Variants in UIMC1 observed in about 807,000 individuals in gnomAD.
The protein encoded by UIMC1 is BRCA1-A complex subunit RAP80.
A neutral mutation model predicts 84.9 loss-of-function variants in UIMC1; 42 were observed. The observed-to-expected ratio is 0.49, with a 90% CI of 0.39 to 0.64. The LOEUF (loss-of-function observed/expected upper bound fraction) is 0.64, where lower values mean the gene tolerates loss of function less well. Among genes scored for constraint, UIMC1 ranks in the 30% least tolerant of loss-of-function variants. The probability of loss-of-function intolerance (pLI) is 0.00; values close to 1 mark genes in which losing one functional copy is unlikely to be tolerated. For missense variants in UIMC1, 825 were observed against 847.6 expected (o/e 0.97, Z 0.33); for synonymous variants, 281 against 293.0 (o/e 0.96, Z 0.42).
chr5:176,928,288 G>A (rs1213026132), intron 10 of UIMC1, among the ~76,000 whole-genome samples: 1 of 152,090 alleles, frequency 6.6e-6, no homozygotes, highest in African/African-American at 2.4e-5. Context: ...CAAACGGCCT[G>A]CAAAGCCTAA....
chr5:176,990,461 T>C (rs1772662277), intron 1 of UIMC1, among the ~76,000 whole-genome samples: 1 of 152,150 alleles, frequency 6.6e-6, no homozygotes, highest in South Asian at 2.1e-4. Flanking sequence ...TATTCTGTTA[T>C]AGCAGCAGGA....
chr5:176,970,535 A>C (rs926743434), intron 4 of UIMC1: 3 of 693,438 alleles, frequency 4.3e-6, no homozygotes, highest in Non-Finnish European at 7.0e-6. Flanking sequence ...GGGGTGGAAG[A>C]AAACTCTTTC....
rs1390153227 is a variant in UIMC1, at chr5:176,908,536, A to G, written c.1835T>C (p.Leu612Pro). ...CTCTACACATACCTTTGGGTTCTTC[A>G]GCCTCTGCTGCCACTTCCCCTCCAC... ...STVEGKWQQR[L>P]KNPKEKGHSE... Residue 612 changes from leucine (L) to proline (P), a missense_variant, in exon 12 of 15, where the codon CTG (leucine) becomes CCG (proline). Transcript: ENST00000511320. 4 of 1,613,640 alleles carry G rather than the reference A, an allele frequency of 2.5e-6. No homozygotes were observed. The highest frequency in any genetic ancestry group is 1.3e-5 in the African/African-American group (1 of 74,896).
At chr5:176,984,075 C>G (rs1472638353) in intron 1 of UIMC1, among the ~76,000 whole-genome samples, 2 of 132,910 alleles carry the variant, frequency 1.5e-5, no homozygotes, top group Non-Finnish European at 3.2e-5. Flanking sequence ...TGCCCGGCCG[C>G]CCCGTCTGGG....
chr5:176,913,861 C>T (rs1333140933), intron 10 of UIMC1, among the ~76,000 whole-genome samples: 1 of 152,154 alleles, frequency 6.6e-6, no homozygotes, highest in Non-Finnish European at 1.5e-5. Flanking sequence ...CCTGTAGTCC[C>T]AGCTACTCAG....
At chr5:176,981,144 G>GTTTT (rs769202785) in intron 2 of UIMC1, among the ~76,000 whole-genome samples, 5 of 132,280 alleles carry the variant, frequency 3.8e-5, no homozygotes, top group Non-Finnish European at 6.4e-5. Flanking sequence ...TGTTTTGTTG[G>GTTTT]TTTTTTTTTT....
At chr5:176,948,517 G>A (rs959041343) in intron 9 of UIMC1, among the ~76,000 whole-genome samples, 4 of 152,094 alleles carry the variant, frequency 2.6e-5, no homozygotes, top group Non-Finnish European at 5.9e-5. Context: ...TTTCTCTTCT[G>A]TGCTTCCTTA....
At chr5:176,936,128 C>T (rs1437917903) in intron 10 of UIMC1, among the ~76,000 whole-genome samples, 1 of 152,180 alleles carries the variant, frequency 6.6e-6, no homozygotes, top group Non-Finnish European at 1.5e-5. Flanking sequence ...CACACAGAAA[C>T]ACAGACCTCA....
intron 9 of UIMC1, among the ~76,000 whole-genome samples, chr5:176,946,704 G>A (rs1446440679): frequency 6.6e-6 from 1 of 151,694 alleles, no homozygotes; most frequent in Non-Finnish European, 1.5e-5. Flanking sequence ...GGGTGGTGGC[G>A]CATGTCTGTA....
chr5:176,917,899 T>C (rs1429291037), intron 10 of UIMC1, among the ~76,000 whole-genome samples: 1 of 152,014 alleles, frequency 6.6e-6, no homozygotes, highest in Non-Finnish European at 1.5e-5. Context: ...GCAGAGGCAG[T>C]AGTAAGCCGA....
chr5:176,988,604 A>G, intron 1 of UIMC1, among the ~76,000 whole-genome samples: 1 of 152,102 alleles, frequency 6.6e-6, no homozygotes, highest in East Asian at 1.9e-4. Context: ...TGGTAATTGC[A>G]CAACACTGTG....
chr5:177,000,071 G>T (rs1391587858), intron 1 of UIMC1, among the ~76,000 whole-genome samples: 1 of 152,022 alleles, frequency 6.6e-6, no homozygotes, highest in Non-Finnish European at 1.5e-5. Flanking sequence ...CCATTCTCTT[G>T]CCTCAGCCTC....
intron 1 of UIMC1, among the ~76,000 whole-genome samples, chr5:177,020,130 C>G (rs1775757363): frequency 6.6e-6 from 1 of 152,208 alleles, no homozygotes; most frequent in South Asian, 2.1e-4. Context: ...ATCTGTCTCT[C>G]TTTGGCCTCC....
At chr5:176,926,373 G>A (rs1425008498) in intron 10 of UIMC1, among the ~76,000 whole-genome samples, 4 of 152,070 alleles carry the variant, frequency 2.6e-5, no homozygotes, top group Non-Finnish European at 5.9e-5. Context: ...CAAGCTCAGT[G>A]GCTCAATTCC....
intron 6 of UIMC1, among the ~76,000 whole-genome samples, chr5:176,961,967 A>G (rs1326330407): frequency 1.5e-5 from 1 of 64,870 alleles, no homozygotes; most frequent in African/African-American, 6.9e-5. Context: ...CCGCCCGGCC[A>G]GCCGCCCCGT....
intron 1 of UIMC1, among the ~76,000 whole-genome samples, chr5:176,990,736 T>C (rs1401575591): frequency 6.6e-6 from 1 of 152,112 alleles, no homozygotes; most frequent in Non-Finnish European, 1.5e-5. Context: ...GCAATGTGTA[T>C]GATCATAGCT....
Position 176,990,752 on chromosome 5 carries a change from C to A in UIMC1, c.-8-8129G>T, listed in dbSNP as rs527571190. ...CAATGTGTATGATCATAGCTCACTG[C>A]AACCTGTAACTCTTAGGTTCAAAGA... On this transcript the variant is annotated intron_variant, in intron 1 of 14. Coordinates refer to ENST00000511320, the MANE Select transcript of UIMC1 (RefSeq NM_001199298.2). 9.4e-4 allele frequency among the ~76,000 whole-genome samples: 143 copies of A among 152,130 alleles called. 1 individual carries two copies. The highest frequency in any genetic ancestry group is 5.2e-3 in the South Asian group (25 of 4,826).
intron 14 of UIMC1, 35 bp downstream of exon 14, chr5:176,905,976 C>T: frequency 6.2e-7 from 1 of 1,613,626 alleles, no homozygotes; most frequent in Non-Finnish European, 8.5e-7. Flanking sequence ...TTCAGAAATG[C>T]TGACAGCCAC....
chr5:176,952,835 C>T (rs1766059439), intron 8 of UIMC1, among the ~76,000 whole-genome samples: 1 of 152,172 alleles, frequency 6.6e-6, no homozygotes, highest in East Asian at 1.9e-4. Context: ...CTGCTGTAGA[C>T]ACATATCACT....
Sources: allele counts gnomAD v4.1 joint callset (sites outside exome capture counted in the v4.1 genomes callset), GRCh38; gene constraint gnomAD v4.1.1; transcripts MANE v1.5; gene names NCBI Gene and HGNC (gene_info 2026-07-23, HGNC 2026-07-21).